The following PCDHGA2 variants were observed in gnomAD, a reference collection of about 807,000 sequenced individuals.
PCDHGA2 encodes protocadherin gamma subfamily A, 2.
Under a neutral mutation model 59.2 loss-of-function variants are expected in PCDHGA2, and 40 were observed. The observed-to-expected ratio is 0.68, with a 90% CI of 0.52 to 0.88. The LOEUF is 0.88. PCDHGA2 is among the 40% of genes least tolerant of loss of function. The pLI is 0.00. For missense variants in PCDHGA2, 1,226 were observed against 1,204.0 expected (o/e 1.02, Z -0.27); for synonymous variants, 560 against 526.0 (o/e 1.06, Z -0.89).
chr5:141,366,894 T>A, intron 1 of PCDHGA2: 1 of 1,215,552 alleles, frequency 8.2e-7, no homozygotes, highest in Non-Finnish European at 1.1e-6. Flanking sequence ...TTTATATAAT[T>A]CATGCTTTCT....
At chr5:141,346,627 G>A in intron 1 of PCDHGA2, 3 of 1,008,322 alleles carry the variant, frequency 3.0e-6, no homozygotes, top group Non-Finnish European at 4.3e-6. Context: ...GCACTCCCCG[G>A]TCTGGTTATG....
intron 1 of PCDHGA2, chr5:141,389,720 C>T (rs1488646083): frequency 1.2e-6 from 2 of 1,612,576 alleles, no homozygotes; most frequent in East Asian, 4.5e-5. Flanking sequence ...CTAGCGAGCC[C>T]GGGCTCTTCA....
At chr5:141,356,243 C>T in intron 1 of PCDHGA2, 1 of 1,581,974 alleles carries the variant, frequency 6.3e-7, no homozygotes, top group Non-Finnish European at 8.6e-7. Flanking sequence ...CCAGAAGTCA[C>T]AGTTACATCT....
intron 1 of PCDHGA2, chr5:141,394,345 C>T (rs748471730): frequency 1.2e-6 from 2 of 1,614,146 alleles, no homozygotes; most frequent in Non-Finnish European, 1.7e-6. Context: ...AACTCTGACA[C>T]CGGTGTCCTG....
intron 1 of PCDHGA2, chr5:141,357,013 T>C (rs1242867628): frequency 1.2e-6 from 2 of 1,614,118 alleles, no homozygotes; most frequent in South Asian, 2.2e-5. Flanking sequence ...TGCCTGGCTG[T>C]CCTACAGCCT....
At chr5:141,351,827 G>A (rs191017713) in intron 1 of PCDHGA2, 5 of 1,613,080 alleles carry the variant, frequency 3.1e-6, no homozygotes, top group Non-Finnish European at 4.2e-6. Flanking sequence ...GCAGCTGCGC[G>A]CCTTCGAGCT....
chr5:141,420,191 CAAGAT>C, intron 1 of PCDHGA2: 1 of 1,613,720 alleles, frequency 6.2e-7, no homozygotes, highest in Non-Finnish European at 8.5e-7. Context: ...TCCAGCCACA[CAAGAT>C]AACCTCAACA....
Position 141,343,804 on chromosome 5 carries a change from G to A in PCDHGA2, c.2424+2409G>A, listed in dbSNP as rs1474573186. ...GTGTCGCTGTTGACCACTCAAGAAG[G>A]AGAACGCAGCTGGAGAACTAGTCCA... is the stretch of plus-strand genomic sequence containing the variant. On this transcript the variant is annotated intron_variant, in intron 1 of 3. Transcript: ENST00000394576. 5 of 457,636 alleles carry A rather than the reference G, an allele frequency of 1.1e-5. No homozygotes were observed. In the East Asian group the frequency reaches 1.8e-4, roughly 16 times the overall value. The allele number at this position is 457,636 out of a possible 1,614,324, so 28.3% of individuals were successfully genotyped here. A position where few individuals can be genotyped will look rare whatever the true frequency, so the allele number is the denominator to read the frequency against.
At chr5:141,400,339 A>G in intron 1 of PCDHGA2, 1 of 1,613,986 alleles carries the variant, frequency 6.2e-7, no homozygotes. Flanking sequence ...GGTTCCCCCC[A>G]ACTACAGTCA....
chr5:141,404,124 C>A, intron 1 of PCDHGA2: 1 of 1,613,272 alleles, frequency 6.2e-7, no homozygotes, highest in Non-Finnish European at 8.5e-7. Context: ...GAGAATCTAT[C>A]TTTTACATTA....
chr5:141,484,883 G>GCC (rs1231530221), intron 1 of PCDHGA2: 2 of 352,506 alleles, frequency 5.7e-6, no homozygotes, highest in Admixed American at 9.0e-5. Flanking sequence ...GATAGGGTGG[G>GCC]CTTTTTCCCC....
At chr5:141,399,111 A>C (rs1561667842) in intron 1 of PCDHGA2, 1 of 1,613,732 alleles carries the variant, frequency 6.2e-7, no homozygotes, top group Non-Finnish European at 8.5e-7. Context: ...CACAATGTAC[A>C]GTTGAAATTA....
At chr5:141,389,466 C>T (rs760000487) in intron 1 of PCDHGA2, 1 of 1,613,330 alleles carries the variant, frequency 6.2e-7, no homozygotes, top group East Asian at 2.2e-5. Flanking sequence ...CGCCTTCGAA[C>T]TCACACTGCA....
intron 1 of PCDHGA2, chr5:141,365,286 T>C (rs1261897529): frequency 6.2e-7 from 1 of 1,613,946 alleles, no homozygotes. Flanking sequence ...CTCATGGAAG[T>C]GGTAGCTCAG....
At position 141,404,183 on chromosome 5, in the gene PCDHGA2, G is replaced by A; in HGVS notation, c.2424+62788G>A. The A allele has an allele frequency of 1.2e-6, 2 of 1,613,154 alleles. No individual in the cohort carries two copies. Among genetic ancestry groups the A allele is most frequent in the South Asian group, 1.1e-5 (1 of 90,926 alleles). On this transcript the variant is annotated intron_variant, in intron 1 of 3. Coordinates refer to ENST00000394576, the MANE Select transcript of PCDHGA2 (RefSeq NM_018915.4). Reference sequence around the variant, plus strand: ...CAGATTGTTGACGGCCCAAATTCTTGACCGAGAAAAAGCCTCAGAATATAA... The same window carrying A: ...CAGATTGTTGACGGCCCAAATTCTTAACCGAGAAAAAGCCTCAGAATATAA...
intron 1 of PCDHGA2, chr5:141,408,193 C>T (rs1280310689): frequency 6.5e-7 from 1 of 1,545,210 alleles, no homozygotes; most frequent in Non-Finnish European, 8.7e-7. Flanking sequence ...AGCGAGAACC[C>T]GAGCGAACGA....
At chr5:141,475,090 A>G (rs991061660) in intron 1 of PCDHGA2, among the ~76,000 whole-genome samples, 1 of 152,264 alleles carries the variant, frequency 6.6e-6, no homozygotes, top group African/African-American at 2.4e-5. Flanking sequence ...CAATAATTTT[A>G]TAAAGATCCT....
At chr5:141,408,558 T>A (rs748858215) in intron 1 of PCDHGA2, 48 of 1,613,898 alleles carry the variant, frequency 3.0e-5, no homozygotes, top group Non-Finnish European at 5.9e-6. Context: ...ATTTTTCATG[T>A]CATTGTGGTG....
intron 1 of PCDHGA2, chr5:141,372,498 C>A: frequency 6.2e-7 from 1 of 1,614,054 alleles, no homozygotes; most frequent in Admixed American, 1.7e-5. Context: ...GATCTCAGTG[C>A]TCTTCCTCCT....
Sources: allele counts gnomAD v4.1 joint callset (sites outside exome capture counted in the v4.1 genomes callset), GRCh38; gene constraint gnomAD v4.1.1; transcripts MANE v1.5; gene names NCBI Gene and HGNC (gene_info 2026-07-23, HGNC 2026-07-21).